The following ATP9B variants were observed in gnomAD, a reference collection of about 807,000 sequenced individuals.
ATP9B encodes ATPase phospholipid transporting 9B.
In ATP9B, 110 loss-of-function variants were observed where a neutral mutation model predicts 146.1. The observed-to-expected ratio is 0.75, with a 90% confidence interval of 0.65 to 0.88. The LOEUF is 0.88. ATP9B is among the 40% of genes least tolerant of loss of function. ATP9B has a pLI of 0.00. For synonymous variants in ATP9B, 604 were observed against 569.7 expected, an observed-to-expected ratio of 1.06 and a Z score of -0.86; for missense variants, 1,499 against 1,496.4, an observed-to-expected ratio of 1.00 and a Z score of -0.03.
chr18:79,327,572 AG>A (rs1568697750), intron 15 of ATP9B, among the ~76,000 whole-genome samples: 5,554 of 133,188 alleles, frequency 0.042, 776 homozygotes, highest in South Asian at 0.05. Context: ...CTCCGTGGTT[AG>A]CGTGCTCTCC....
chr18:79,127,536 G>C lies in ATP9B; in HGVS notation c.667+1161G>C, dbSNP rs570190963. 4.2e-4 allele frequency among the ~76,000 whole-genome samples: 64 copies of C among 152,270 alleles called. 1 individual carries two copies. Among genetic ancestry groups the C allele is most frequent in the African/African-American group, 1.5e-3 (62 of 41,560 alleles). On this transcript the variant is annotated intron_variant, in intron 5 of 29. Transcript: ENST00000426216. Reference sequence around the variant, plus strand: ...GTTCATCTGGTAGTAGCATTCATCAGTACTTCATTTCCTTTTGCTGCTCAG... The same window carrying C: ...GTTCATCTGGTAGTAGCATTCATCACTACTTCATTTCCTTTTGCTGCTCAG...
chr18:79,230,032 A>G (rs1373044063), intron 11 of ATP9B, among the ~76,000 whole-genome samples: 1 of 152,200 alleles, frequency 6.6e-6, no homozygotes, highest in East Asian at 1.9e-4. Context: ...TGAAATTTAT[A>G]GATATGTCAG....
chr18:79,069,838 G>C (rs948992251), intron 1 of ATP9B, among the ~76,000 whole-genome samples: 2 of 152,244 alleles, frequency 1.3e-5, no homozygotes, highest in Admixed American at 1.3e-4. Flanking sequence ...AGTAAACGGG[G>C]ATCAAAAGTG....
chr18:79,076,493 C>T (rs1055083128), intron 1 of ATP9B, among the ~76,000 whole-genome samples: 13 of 152,150 alleles, frequency 8.5e-5, no homozygotes, highest in African/African-American at 2.7e-4. Flanking sequence ...TTCTGGTCTC[C>T]GTGCTTTCTG....
intron 11 of ATP9B, among the ~76,000 whole-genome samples, chr18:79,244,046 T>A (rs1376624591): frequency 6.6e-6 from 1 of 152,250 alleles, no homozygotes; most frequent in Non-Finnish European, 1.5e-5. Context: ...AAATTAGTGA[T>A]CTTGTTTACT....
At chr18:79,322,328 A>G (rs1234886371) in intron 15 of ATP9B, among the ~76,000 whole-genome samples, 1 of 152,102 alleles carries the variant, frequency 6.6e-6, no homozygotes, top group Non-Finnish European at 1.5e-5. Flanking sequence ...CCAACCTCTA[A>G]CCCAACGTCA....
At position 79,131,530 on chromosome 18, in the gene ATP9B, G is replaced by A. The variant is rs370730203; in HGVS notation, c.667+5155G>A. Among the ~76,000 whole-genome samples, 8 of 152,310 alleles carry A rather than the reference G, an allele frequency of 5.3e-5. No individual in the cohort carries two copies. In the East Asian group the frequency reaches 1.4e-3, roughly 26 times the overall value. ...TTTAAAATATAGAATATCGAGTGCT[G>A]GAGAGGATCTGGAGAAATTAGAATC... On this transcript the variant is annotated intron_variant, in intron 5 of 29. Coordinates refer to ENST00000426216, the MANE Select transcript of ATP9B (RefSeq NM_198531.5).
chr18:79,375,397 T>G lies in ATP9B; in HGVS notation c.3278T>G (p.Ile1093Arg). 2.5e-6 allele frequency: 4 copies of G among 1,612,368 alleles called. No homozygotes were observed. Among genetic ancestry groups the G allele is most frequent in the Non-Finnish European group, 2.5e-6 (3 of 1,178,396 alleles). ...CTTTATTACTGTTTTGGAACAGGTA[T>G]AGGCAGAGTGTCTTTTGGAGCTTTC... ...SLAFLNEYFG[I>R]GRVSFGAFLD... is the part of the protein sequence containing the mutation. Residue 1093 changes from isoleucine to arginine, a missense_variant, in exon 29 of 30, where the codon ATA (isoleucine) becomes AGA (arginine). Physicochemically the swap from Ile to Arg is moderately conservative, Grantham distance 97. Coordinates refer to ENST00000426216, the MANE Select transcript of ATP9B (RefSeq NM_198531.5).
rs139680006 is a variant in ATP9B at position 79,338,245 on chromosome 18, G to C, written c.2283+796G>C. 2.3e-3 allele frequency among the ~76,000 whole-genome samples: 350 copies of C among 152,300 alleles called. 1 individual carries two copies. Among genetic ancestry groups the C allele is most frequent in the African/African-American group, 7.6e-3 (314 of 41,558 alleles). The stretch of plus-strand genomic sequence containing the variant: ...GGAAGCTGCTTCTCACTTGTGCCTG[G>C]CCCCTGGGCTCAGCAGCAAGAGCCT... On this transcript the variant is annotated intron_variant, in intron 19 of 29. Transcript: ENST00000426216.
Position 79,253,727 on chromosome 18 carries a change from T to C in ATP9B, c.1268+186T>C, listed in dbSNP as rs929565789. ...TTGGGGGAGACGTCATCAGTGCCGG[T>C]AGAATGATCTAGAGGTGCCATACTT... On this transcript the variant is annotated intron_variant, in intron 12 of 29. Coordinates refer to ENST00000426216, the MANE Select transcript of ATP9B (RefSeq NM_198531.5). The C allele has an allele frequency of 2.3e-5, 13 of 557,760 alleles. No individual in the cohort carries two copies. The South Asian group carries it at 3.4e-4, about 15-fold the overall frequency. 34.6% of individuals were successfully genotyped at this position (557,760 alleles called of 1,614,324 possible). A position where few individuals can be genotyped will look rare whatever the true frequency, so the allele number is the denominator to read the frequency against.
intron 7 of ATP9B, among the ~76,000 whole-genome samples, chr18:79,176,003 C>A (rs954740830): frequency 6.6e-6 from 1 of 152,168 alleles, no homozygotes; most frequent in Non-Finnish European, 1.5e-5. Context: ...ATGTCCTGCA[C>A]CTTACTTTCT....
Position 79,141,031 on chromosome 18 carries a change from G to A in ATP9B, c.668-2771G>A, listed in dbSNP as rs182685789. ...AAGTACTGTTGTTACCTTACTTGGC[G>A]ATACCGTTTGGCTGTGTCCCCACCC... On this transcript the variant is annotated intron_variant, in intron 5 of 29. Coordinates refer to ENST00000426216, the MANE Select transcript of ATP9B (RefSeq NM_198531.5). Among the ~76,000 whole-genome samples the A allele has an allele frequency of 2.8e-3, 424 of 152,230 alleles. 2 individuals are homozygous for A. The highest frequency in any genetic ancestry group is 4.6e-3 in the Non-Finnish European group (314 of 68,010).
chr18:79,157,709 T>C (rs1455217842), intron 7 of ATP9B, among the ~76,000 whole-genome samples: 2 of 152,208 alleles, frequency 1.3e-5, no homozygotes, highest in African/African-American at 4.8e-5. Flanking sequence ...AAGTCAGTTT[T>C]GGTAGTTTGT....
At chr18:79,261,856 TTGTCCTACTAAG>T (rs1264181409) in intron 12 of ATP9B, among the ~76,000 whole-genome samples, 1 of 152,164 alleles carries the variant, frequency 6.6e-6, no homozygotes, top group Non-Finnish European at 1.5e-5. Context: ...GGATGTCTCC[TTGTCCTACTAAG>T]TGTCCTGCTA....
intron 13 of ATP9B, among the ~76,000 whole-genome samples, chr18:79,284,717 C>T (rs1364310859): frequency 6.6e-6 from 1 of 151,156 alleles, no homozygotes; most frequent in Non-Finnish European, 1.5e-5. Context: ...GTGTGCTGCA[C>T]CCATTAACTC....
intron 9 of ATP9B, among the ~76,000 whole-genome samples, chr18:79,198,569 G>T (rs767194522): frequency 7.1e-6 from 1 of 140,618 alleles, no homozygotes; most frequent in Non-Finnish European, 1.5e-5. Flanking sequence ...AACCTAGATC[G>T]TGTAGCCTAC....
intron 25 of ATP9B, among the ~76,000 whole-genome samples, chr18:79,350,525 G>T (rs2096916982): frequency 6.6e-6 from 1 of 152,160 alleles, no homozygotes; most frequent in Non-Finnish European, 1.5e-5. Context: ...GTGTCAACTT[G>T]AACCTTATTT....
chr18:79,237,575 G>A (rs1297034861), intron 11 of ATP9B, among the ~76,000 whole-genome samples: 1 of 151,950 alleles, frequency 6.6e-6, no homozygotes, highest in African/African-American at 2.4e-5. Context: ...AAGTCTTTTA[G>A]TCAACGAATA....
At chr18:79,117,185 T>TTCTTTTGATCAATCAATATTGAGC (rs2094100232) in intron 4 of ATP9B, 1 of 152,174 alleles carries the variant, frequency 6.6e-6, no homozygotes, top group Non-Finnish European at 1.5e-5. Flanking sequence ...AAATCCACAG[T>TTCTTTTGATCAATCAATATTGAGC]TCTTTTGATC....
Sources: gnomAD v4.1 joint callset for allele counts (sites outside exome capture counted in the v4.1 genomes callset) on GRCh38, gnomAD v4.1.1 for gene constraint, MANE v1.5 for transcripts, NCBI Gene and HGNC (gene_info 2026-07-23, HGNC 2026-07-21) for gene names.